KCTD16: variants seen among roughly 807,000 people sequenced by gnomAD.
The protein encoded by KCTD16 is BTB/POZ domain-containing protein KCTD16.
KCTD16 carries 13 observed loss-of-function variants against 33.2 expected under a neutral mutation model. The ratio of observed to expected loss-of-function variants is 0.39; its 90% CI spans 0.25 to 0.62. The LOEUF (loss-of-function observed/expected upper bound fraction) is 0.62, where lower values mean the gene tolerates loss of function less well. KCTD16 is among the 20% of genes least tolerant of loss of function. The probability of loss-of-function intolerance (pLI) is 0.50; values close to 1 mark genes in which losing one functional copy is unlikely to be tolerated. For missense variants in KCTD16, 441 were observed against 525.1 expected, an observed-to-expected ratio of 0.84 and a Z score of 1.57; for synonymous variants, 197 against 195.3, an observed-to-expected ratio of 1.01 and a Z score of -0.07.
chr5:144,400,232 G>C (rs1254548637), intron 3 of KCTD16, among the ~76,000 whole-genome samples: 3 of 152,166 alleles, frequency 2.0e-5, no homozygotes, highest in African/African-American at 7.2e-5. Flanking sequence ...GAGCAATGAG[G>C]AGGCTTCCCT....
chr5:144,183,343 G>A (rs867718634), intron 2 of KCTD16, among the ~76,000 whole-genome samples: 9 of 151,918 alleles, frequency 5.9e-5, no homozygotes, highest in East Asian at 3.9e-4. Flanking sequence ...TAACTATTCC[G>A]TAGTGCTCTT....
intron 3 of KCTD16, among the ~76,000 whole-genome samples, chr5:144,228,236 G>A (rs959812305): frequency 2.6e-5 from 4 of 152,160 alleles, no homozygotes; most frequent in African/African-American, 4.8e-5. Flanking sequence ...ACCTACAAAG[G>A]AGACTCAGAA....
At chr5:144,360,663 C>A (rs1046504734) in intron 3 of KCTD16, among the ~76,000 whole-genome samples, 4 of 152,274 alleles carry the variant, frequency 2.6e-5, no homozygotes, top group South Asian at 2.1e-4. Flanking sequence ...AACTCCTGAG[C>A]TCGTGATCCA....
At chr5:144,252,963 G>T (rs1754743705) in intron 3 of KCTD16, among the ~76,000 whole-genome samples, 1 of 147,220 alleles carries the variant, frequency 6.8e-6, no homozygotes, top group South Asian at 2.1e-4. Context: ...TTTAAAATCA[G>T]TAGCTCTTTT....
chr5:144,410,540 C>T (rs554144917), intron 3 of KCTD16, among the ~76,000 whole-genome samples: 16 of 152,146 alleles, frequency 1.1e-4, no homozygotes, highest in East Asian at 9.7e-4. Context: ...GATTTTCAAA[C>T]GTGCCAAGTT....
Position 144,206,863 on chromosome 5 carries a change from T to G in KCTD16, c.149T>G (p.Leu50Arg). The stretch of plus-strand genomic sequence containing the variant: ...ACATTGATAAGCATCCCTCATTCCC[T>G]CCTGTGGAAAATGTTTTCCCCAAAG... ...HSTLISIPHS[L>R]LWKMFSPKRD... is the part of the protein sequence containing the mutation. The change falls in exon 3 of 4, where the codon CTC becomes CGC. Residue 50 changes from leucine to arginine, a missense_variant. This residue lies in a region of KCTD16 where 80 missense variants were observed against 88.5 expected (regional missense o/e 0.90). Coordinates refer to ENST00000512467, the MANE Select transcript of KCTD16 (RefSeq NM_020768.4). The G allele has an allele frequency of 6.2e-7, 1 of 1,614,106 alleles. No homozygotes were observed. Among genetic ancestry groups the G allele is most frequent in the Non-Finnish European group, 8.5e-7 (1 of 1,180,002 alleles).
chr5:144,342,664 A>G (rs986410754), intron 3 of KCTD16, among the ~76,000 whole-genome samples: 2 of 152,184 alleles, frequency 1.3e-5, no homozygotes, highest in Non-Finnish European at 2.9e-5. Flanking sequence ...GCCAGTTTTC[A>G]AAGGGAATGT....
intron 3 of KCTD16, among the ~76,000 whole-genome samples, chr5:144,427,008 C>T (rs116285023): frequency 0.013 from 1,927 of 152,212 alleles, 39 homozygotes; most frequent in African/African-American, 0.044. Context: ...TACACTTATT[C>T]CCACTTTAGG....
chr5:144,455,363 C>T (rs146558005), intron 3 of KCTD16, among the ~76,000 whole-genome samples: 51 of 151,996 alleles, frequency 3.4e-4, no homozygotes, highest in African/African-American at 1.0e-3. Flanking sequence ...TATGACGAAG[C>T]GGGGGCACAT....
intron 3 of KCTD16, among the ~76,000 whole-genome samples, chr5:144,385,710 T>TCTGC (rs1288585740): frequency 9.9e-5 from 15 of 152,244 alleles, no homozygotes; most frequent in African/African-American, 3.4e-4. Flanking sequence ...AATGTATATG[T>TCTGC]CTGCCTCTGG....
intron 3 of KCTD16, among the ~76,000 whole-genome samples, chr5:144,314,836 C>A (rs188436346): frequency 6.6e-6 from 1 of 152,106 alleles, no homozygotes; most frequent in African/African-American, 2.4e-5. Flanking sequence ...CTTCATGCCC[C>A]CAAAATCTGA....
chr5:144,424,542 C>G (rs529032862), intron 3 of KCTD16, among the ~76,000 whole-genome samples: 1 of 152,300 alleles, frequency 6.6e-6, no homozygotes, highest in East Asian at 1.9e-4. Flanking sequence ...TATGGCCACT[C>G]TGTCTTCGAT....
intron 3 of KCTD16, among the ~76,000 whole-genome samples, chr5:144,357,273 T>G (rs1751592001): frequency 6.6e-6 from 1 of 152,196 alleles, no homozygotes; most frequent in Non-Finnish European, 1.5e-5. Flanking sequence ...TCCAGCCTAT[T>G]GCTCCATGTG....
intron 3 of KCTD16, among the ~76,000 whole-genome samples, chr5:144,390,315 A>G (rs915040196): frequency 6.6e-6 from 1 of 152,158 alleles, no homozygotes; most frequent in Admixed American, 6.5e-5. Flanking sequence ...ACCTTGTGGC[A>G]GGAACTGGAA....
At chr5:144,424,926 G>T (rs1417464436) in intron 3 of KCTD16, among the ~76,000 whole-genome samples, 1 of 152,030 alleles carries the variant, frequency 6.6e-6, no homozygotes, top group Non-Finnish European at 1.5e-5. Flanking sequence ...TTCCATCTCT[G>T]GCTCCCACAA....
In KCTD16 at chr5:144,299,088, ATCAC is replaced by A. The variant is rs575159858; in HGVS notation, c.832+91544_832+91547del. ...TATATATATATTTTTGTATATATAT[ATCAC>A]TATGTATATATATATATATATATAT... On this transcript the variant is annotated intron_variant, in intron 3 of 3. Coordinates refer to ENST00000512467, the MANE Select transcript of KCTD16 (RefSeq NM_020768.4). 4.3e-4 allele frequency among the ~76,000 whole-genome samples: 24 copies of A among 55,452 alleles called. 1 individual carries two copies. The highest frequency in any genetic ancestry group is 7.5e-4 in the African/African-American group (9 of 12,004). 36.4% of individuals were successfully genotyped at this position (55,452 alleles called of 152,430 possible).
chr5:144,358,653 G>A (rs531249150), intron 3 of KCTD16, among the ~76,000 whole-genome samples: 1 of 152,232 alleles, frequency 6.6e-6, no homozygotes, highest in East Asian at 1.9e-4. Context: ...GCCACAAACT[G>A]GGGGCTTATA....
chr5:144,435,045 C>G (rs1753545071), intron 3 of KCTD16, among the ~76,000 whole-genome samples: 1 of 152,138 alleles, frequency 6.6e-6, no homozygotes, highest in Non-Finnish European at 1.5e-5. Context: ...AGGCAAATGT[C>G]AAGAACCCGT....
chr5:144,305,843 A>G (rs931473812), intron 3 of KCTD16, among the ~76,000 whole-genome samples: 9 of 152,070 alleles, frequency 5.9e-5, no homozygotes, highest in Non-Finnish European at 1.3e-4. Flanking sequence ...AAAAATAAAT[A>G]AAAAATAAGA....
Sources: allele counts gnomAD v4.1 joint callset (sites outside exome capture counted in the v4.1 genomes callset), GRCh38; gene constraint gnomAD v4.1.1; regional missense constraint gnomAD v4.1.1; transcripts MANE v1.5; gene names NCBI Gene and HGNC (gene_info 2026-07-23, HGNC 2026-07-21).